Variants in TCF4 observed in about 807,000 individuals in gnomAD.
The protein encoded by TCF4 is transcription factor 4.
Under a neutral mutation model 82.1 loss-of-function variants are expected in TCF4, and 3 were observed. The ratio of observed to expected loss-of-function variants is 0.04; its 90% CI spans 0.02 to 0.09. The LOEUF (loss-of-function observed/expected upper bound fraction) is 0.09. Ranked by LOEUF, TCF4 falls within the 10% of genes least tolerant of loss-of-function variation. The pLI is 1.00. For missense variants in TCF4, 518 were observed against 852.7 expected, an observed-to-expected ratio of 0.61 and a Z score of 4.89; for synonymous variants, 276 against 309.6, an observed-to-expected ratio of 0.89 and a Z score of 1.14.
intron 15 of TCF4, among the ~76,000 whole-genome samples, chr18:55,252,991 A>G (rs1292823715): frequency 1.3e-5 from 2 of 152,248 alleles, no homozygotes; most frequent in African/African-American, 2.4e-5. Flanking sequence ...AGCAACTGCC[A>G]TGAACATATA....
chr18:55,316,226 A>G (rs569236022), intron 8 of TCF4, among the ~76,000 whole-genome samples: 10 of 152,230 alleles, frequency 6.6e-5, no homozygotes, highest in Middle Eastern at 3.4e-3. Flanking sequence ...CAGAGCAAAT[A>G]TATGTCTCCA....
At chr18:55,441,725 A>G (rs1011064169) in intron 5 of TCF4, among the ~76,000 whole-genome samples, 10 of 152,204 alleles carry the variant, frequency 6.6e-5, no homozygotes, top group African/African-American at 2.4e-4. Flanking sequence ...ATAATCGTAT[A>G]ATAAGTAAGA....
At chr18:55,275,407 A>C (rs1420137832) in intron 10 of TCF4, among the ~76,000 whole-genome samples, 1 of 152,156 alleles carries the variant, frequency 6.6e-6, no homozygotes, top group Non-Finnish European at 1.5e-5. Context: ...CAATAAACAA[A>C]AGAACAATGC....
intron 5 of TCF4, among the ~76,000 whole-genome samples, chr18:55,441,723 A>G (rs575755099): frequency 6.6e-6 from 1 of 152,334 alleles, no homozygotes; most frequent in Admixed American, 6.5e-5. Context: ...ACATAATCGT[A>G]TAATAAGTAA....
At chr18:55,416,971 AGTG>A (rs2094546308) in intron 5 of TCF4, among the ~76,000 whole-genome samples, 2 of 152,222 alleles carry the variant, frequency 1.3e-5, no homozygotes, top group African/African-American at 4.8e-5. Flanking sequence ...AAAGGAGCCG[AGTG>A]CTCAAAGCAA....
intron 6 of TCF4, among the ~76,000 whole-genome samples, chr18:55,368,646 C>T (rs2087970913): frequency 6.6e-6 from 1 of 152,178 alleles, no homozygotes; most frequent in Non-Finnish European, 1.5e-5. Flanking sequence ...GTATGGAGAA[C>T]AGATGAACAT....
chr18:55,486,912 A>C (rs529870255), intron 3 of TCF4, among the ~76,000 whole-genome samples: 3 of 152,118 alleles, frequency 2.0e-5, no homozygotes, highest in Non-Finnish European at 2.9e-5. Context: ...TCCTCTTTTA[A>C]CTAGCACGTC....
At chr18:55,487,462 T>C (rs1258600163) in intron 3 of TCF4, among the ~76,000 whole-genome samples, 1 of 152,166 alleles carries the variant, frequency 6.6e-6, no homozygotes. Context: ...CAATGAACAT[T>C]TGTCATGTGA....
chr18:55,382,644 C>T (rs148511817), intron 6 of TCF4, among the ~76,000 whole-genome samples: 132 of 152,148 alleles, frequency 8.7e-4, no homozygotes, highest in African/African-American at 3.0e-3. Context: ...ATCCTGATCA[C>T]CTTGTTTTAA....
chr18:55,402,611 TTATAAAAAGGAAG>T (rs2093887857), intron 6 of TCF4, among the ~76,000 whole-genome samples: 1 of 152,022 alleles, frequency 6.6e-6, no homozygotes, highest in Non-Finnish European at 1.5e-5. Flanking sequence ...ACCAATGCAC[TTATAAAAAGGAAG>T]TATAAATTTT....
intron 2 of TCF4, among the ~76,000 whole-genome samples, chr18:55,621,433 TA>T: frequency 8.6e-6 from 1 of 116,802 alleles, no homozygotes; most frequent in Non-Finnish European, 1.7e-5. Context: ...ATATAATATA[TA>T]AAAATATATA....
intron 8 of TCF4, among the ~76,000 whole-genome samples, chr18:55,313,352 T>TAC (rs2073134603): frequency 6.6e-6 from 1 of 152,134 alleles, no homozygotes; most frequent in Non-Finnish European, 1.5e-5. Flanking sequence ...TTTAAATTAT[T>TAC]ACACAGGACA....
intron 8 of TCF4, among the ~76,000 whole-genome samples, chr18:55,343,699 T>G (rs1216462416): frequency 6.6e-6 from 1 of 152,140 alleles, no homozygotes; most frequent in Admixed American, 6.6e-5. Context: ...CTCAAATAGC[T>G]CTACACCTAT....
At chr18:55,631,272 C>T (rs1252585796) in intron 2 of TCF4, 8 of 1,089,852 alleles carry the variant, frequency 7.3e-6, no homozygotes. Context: ...CTGTCTTGAA[C>T]ACCTGACCTC....
intron 6 of TCF4, among the ~76,000 whole-genome samples, chr18:55,387,103 C>T (rs1456452201): frequency 2.0e-5 from 3 of 152,174 alleles, no homozygotes; most frequent in Admixed American, 1.3e-4. Flanking sequence ...ACCCATCCAC[C>T]CTTTGAAAGT....
intron 8 of TCF4, among the ~76,000 whole-genome samples, chr18:55,313,050 A>C (rs1363999617): frequency 6.6e-6 from 1 of 152,180 alleles, no homozygotes; most frequent in Non-Finnish European, 1.5e-5. Context: ...TGAATGTCTA[A>C]TACAATAGTA....
chr18:55,243,847 G>A (rs1216100651), intron 15 of TCF4, among the ~76,000 whole-genome samples: 1 of 152,116 alleles, frequency 6.6e-6, no homozygotes, highest in Non-Finnish European at 1.5e-5. Context: ...ACTGCAATGT[G>A]TCAATGGCAA....
At chr18:55,635,584 A>AG in intron 1 of TCF4, 2 of 1,295,662 alleles carry the variant, frequency 1.5e-6, no homozygotes, top group Non-Finnish European at 2.0e-6. Context: ...TGGAGATGTC[A>AG]GGGAGAGAGG....
chr18:55,622,543 T>C (rs1467635766), intron 2 of TCF4, among the ~76,000 whole-genome samples: 1 of 151,808 alleles, frequency 6.6e-6, no homozygotes, highest in Non-Finnish European at 1.5e-5. Flanking sequence ...CTTTGTTTAG[T>C]TTATCATAAT....
Sources: gnomAD v4.1 joint callset for allele counts (sites outside exome capture counted in the v4.1 genomes callset) on GRCh38, gnomAD v4.1.1 for gene constraint, MANE v1.5 for transcripts, NCBI Gene and HGNC (gene_info 2026-07-23, HGNC 2026-07-21) for gene names.